The following PCDHGB6 variants were observed in gnomAD, a reference collection of about 807,000 sequenced individuals.
PCDHGB6 encodes the protein protocadherin gamma-B6.
Under a neutral mutation model 59.1 loss-of-function variants are expected in PCDHGB6, and 51 were observed. That is an observed-to-expected ratio of 0.86 (90% CI 0.69 to 1.09). The LOEUF (loss-of-function observed/expected upper bound fraction) is 1.09. PCDHGB6 is among the 50% of genes least tolerant of loss of function. The probability of loss-of-function intolerance (pLI) is 0.00; values close to 1 mark genes in which losing one functional copy is unlikely to be tolerated. For synonymous variants in PCDHGB6, 466 were observed against 495.1 expected, an observed-to-expected ratio of 0.94 and a Z score of 0.78; for missense variants, 1,148 against 1,205.1, an observed-to-expected ratio of 0.95 and a Z score of 0.70.
At chr5:141,411,954 A>T (rs563669924) in intron 1 of PCDHGB6, 1 of 152,382 alleles carries the variant, frequency 6.6e-6, no homozygotes, top group East Asian at 1.9e-4. Flanking sequence ...TTTTGAAGAA[A>T]AAAGATAAAA....
intron 1 of PCDHGB6, chr5:141,413,792 G>C (rs1390056342): frequency 6.2e-7 from 1 of 1,613,134 alleles, no homozygotes; most frequent in South Asian, 1.1e-5. Context: ...TCCCTAGATC[G>C]CGAGGAAGAG....
rs748803155 is a variant in PCDHGB6, at chr5:141,490,087, G to A, written c.2419-4720G>A. On this transcript the variant is annotated intron_variant, in intron 1 of 3. Coordinates refer to ENST00000520790, the MANE Select transcript of PCDHGB6 (RefSeq NM_018926.3). The surrounding 1 kb of genome is among the most constrained non-coding windows in gnomAD (Gnocchi z 5.4). ...CGGCCAACTAGACTATTCTTTTGGA[G>A]ACCACACATCTGAGGCAGTGCGGAA... 2.5e-6 allele frequency: 4 copies of A among 1,614,244 alleles called. No homozygotes were observed. The highest frequency in any genetic ancestry group is 1.3e-5 in the African/African-American group (1 of 75,068).
Position 141,432,632 on chromosome 5 carries a change from G to T in PCDHGB6, c.2418+22012G>T. ...CTTCTCGGTGGGTCTGCACACGGGCGAGGTGCGCACGGCGCGAGCCCTGCT... is the reference window on the plus strand; with the variant it reads ...CTTCTCGGTGGGTCTGCACACGGGCTAGGTGCGCACGGCGCGAGCCCTGCT... On this transcript the variant is annotated intron_variant, in intron 1 of 3. Transcript: ENST00000520790. This position sits in a 1 kb window ranked among gnomAD's most constrained non-coding sequence, Gnocchi z 6.0. The T allele has an allele frequency of 6.2e-7, 1 of 1,612,834 alleles. No homozygotes were observed. Among genetic ancestry groups the T allele is most frequent in the South Asian group, 1.1e-5 (1 of 90,976 alleles).
chr5:141,505,402 T>G lies in PCDHGB6; in HGVS notation c.2487T>G (p.Asn829Lys), dbSNP rs1216666169. 1.9e-6 allele frequency: 3 copies of G among 1,614,014 alleles called. No homozygotes were observed. Among genetic ancestry groups the G allele is most frequent in the Non-Finnish European group, 2.5e-6 (3 of 1,180,034 alleles). Residue 829 changes from asparagine (N) to lysine (K), a missense_variant, in exon 3 of 4, where the codon AAT (asparagine) becomes AAG (lysine). This residue lies in a region of PCDHGB6 where 283 missense variants were observed against 318.6 expected (regional missense o/e 0.89). Coordinates refer to ENST00000520790, the MANE Select transcript of PCDHGB6 (RefSeq NM_018926.3). The part of the protein sequence containing the change: ...AQRPGTSGSQ[N>K]GDDTGTWPNN... ...CCTACTCTCTCCCCAGCTCCCAAAA[T>G]GGCGATGACACCGGCACCTGGCCCA...
In PCDHGB6 at chr5:141,486,476, C is replaced by G. The variant is rs765887978; in HGVS notation, c.2419-8331C>G. The G allele has an allele frequency of 5.0e-6, 8 of 1,613,934 alleles. No homozygotes were observed. In the South Asian group the frequency reaches 7.7e-5, roughly 16 times the overall value. ...TGCTTCTGATGCTGGGAACCCTCCTCTCAGTACCCACAGAACTATTTTCCT... is the reference window on the plus strand; with the variant it reads ...TGCTTCTGATGCTGGGAACCCTCCTGTCAGTACCCACAGAACTATTTTCCT... On this transcript the variant is annotated intron_variant, in intron 1 of 3. Coordinates refer to ENST00000520790, the MANE Select transcript of PCDHGB6 (RefSeq NM_018926.3). The surrounding 1 kb of genome is among the most constrained non-coding windows in gnomAD (Gnocchi z 5.0).
chr5:141,468,374 C>T (rs1340499708), intron 1 of PCDHGB6: 2 of 150,736 alleles, frequency 1.3e-5, no homozygotes, highest in Non-Finnish European at 3.0e-5. Context: ...ATAACTCAGC[C>T]ATACAAGGCT....
chr5:141,491,932 G>A lies in PCDHGB6; in HGVS notation c.2419-2875G>A. Reference sequence around the variant, plus strand: ...GGCGACTGTGGGCGAGGGGAGGTGGGACCGACCCCCACCCCTACACTCAAA... The same window carrying A: ...GGCGACTGTGGGCGAGGGGAGGTGGAACCGACCCCCACCCCTACACTCAAA... On this transcript the variant is annotated intron_variant, in intron 1 of 3. Transcript: ENST00000520790. This position sits in a 1 kb window ranked among gnomAD's most constrained non-coding sequence, Gnocchi z 6.9. 1 of 1,259,014 alleles carries A rather than the reference G, an allele frequency of 7.9e-7. No homozygotes were observed. The highest frequency in any genetic ancestry group is 1.1e-6 in the Non-Finnish European group (1 of 926,048). The allele number at this position is 1,259,014 out of a possible 1,614,324, so 78.0% of individuals were successfully genotyped here. A position where few individuals can be genotyped will look rare whatever the true frequency, so the allele number is the denominator to read the frequency against.
intron 3 of PCDHGB6, among the ~76,000 whole-genome samples, chr5:141,510,566 A>G (rs2154594633): frequency 6.6e-6 from 1 of 152,288 alleles, no homozygotes; most frequent in South Asian, 2.1e-4. Flanking sequence ...TACATCTACC[A>G]GGCACTATTT....
intron 1 of PCDHGB6, chr5:141,426,887 G>C (rs1309180455): frequency 6.6e-6 from 3 of 456,646 alleles, no homozygotes; most frequent in South Asian, 4.6e-5. Context: ...TGGGCCAGGA[G>C]CAACAGAGCT....
rs61612330 is a variant in PCDHGB6, at chr5:141,454,796, A to ATTTTTTTTTTTTTTTTT, written c.2419-39998_2419-39982dup. Among the ~76,000 whole-genome samples the ATTTTTTTTTTTTTTTTT allele has an allele frequency of 1.9e-3, 147 of 77,454 alleles. 11 individuals carry two copies. Among genetic ancestry groups the ATTTTTTTTTTTTTTTTT allele is most frequent in the Middle Eastern group, 0.017 (2 of 120 alleles). 50.8% of individuals were successfully genotyped at this position (77,454 alleles called of 152,430 possible). ...AAGGAAATAATCCTCCATGGTTCTA[A>ATTTTTTTTTTTTTTTTT]TTTTTTTTTTTTTTTTTTTTTTTTT... On this transcript the variant is annotated intron_variant, in intron 1 of 3. Coordinates refer to ENST00000520790, the MANE Select transcript of PCDHGB6 (RefSeq NM_018926.3).
chr5:141,497,384 A>G (rs2099776099), intron 2 of PCDHGB6, among the ~76,000 whole-genome samples: 1 of 151,900 alleles, frequency 6.6e-6, no homozygotes, highest in African/African-American at 2.4e-5. Context: ...TGGGGTGAGC[A>G]CCTTACCCCT....
intron 1 of PCDHGB6, chr5:141,441,978 A>T (rs769977785): frequency 9.1e-5 from 26 of 285,248 alleles, no homozygotes; most frequent in Non-Finnish European, 1.8e-4. Flanking sequence ...TCAGCCTGGA[A>T]TGCGCACCGA....
In PCDHGB6 at chr5:141,409,515, T is replaced by C. The variant is rs1273041163; in HGVS notation, c.1313T>C (p.Ile438Thr). 8 of 1,613,844 alleles carry C rather than the reference T, an allele frequency of 5.0e-6. No homozygotes were observed. Among genetic ancestry groups the C allele is most frequent in the Non-Finnish European group, 6.8e-6 (8 of 1,179,902 alleles). Residue 438 changes from isoleucine (I) to threonine (T), a missense_variant, in exon 1 of 4, where the codon ATC becomes ACC. Around this residue, in one of 5 missense-constraint regions of PCDHGB6, gnomAD observed 549 missense variants for 527.5 expected, o/e 1.04. Coordinates refer to ENST00000520790, the MANE Select transcript of PCDHGB6 (RefSeq NM_018926.3). Reference protein sequence around the residue: ...GKPPLSSSRSITLYVADINDN... With the variant: ...GKPPLSSSRSTTLYVADINDN... Reference sequence around the variant, plus strand: ...CCGCCTCTTTCTTCCAGTAGAAGCATCACCTTGTATGTCGCTGACATCAAC... The same window carrying C: ...CCGCCTCTTTCTTCCAGTAGAAGCACCACCTTGTATGTCGCTGACATCAAC...
At chr5:141,421,418 G>A (rs771088122) in intron 1 of PCDHGB6, 1 of 1,614,086 alleles carries the variant, frequency 6.2e-7, no homozygotes, top group Admixed American at 1.7e-5. Flanking sequence ...GCGAAGCGCG[G>A]AGTCCGCATC....
intron 1 of PCDHGB6, chr5:141,410,822 A>C: frequency 2.2e-6 from 1 of 461,410 alleles, no homozygotes; most frequent in Non-Finnish European, 3.6e-6. Context: ...AAATAATGTC[A>C]CCAGACTGAA....
At chr5:141,420,208 A>G (rs1396340813) in intron 1 of PCDHGB6, 1 of 1,612,970 alleles carries the variant, frequency 6.2e-7, no homozygotes, top group Non-Finnish European at 8.5e-7. Flanking sequence ...ACCTCAACAA[A>G]GATAGCATGC....
chr5:141,510,307 G>C (rs1250172295), intron 3 of PCDHGB6, among the ~76,000 whole-genome samples: 1 of 151,446 alleles, frequency 6.6e-6, no homozygotes, highest in African/African-American at 2.4e-5. Context: ...TTTTGAAATG[G>C]AGGCTTGGAA....
chr5:141,431,318 G>C lies in PCDHGB6; in HGVS notation c.2418+20698G>C. 1 of 1,614,086 alleles carries C rather than the reference G, an allele frequency of 6.2e-7. No homozygotes were observed. Among genetic ancestry groups the C allele is most frequent in the African/African-American group, 1.3e-5 (1 of 75,050 alleles). On this transcript the variant is annotated intron_variant, in intron 1 of 3. Transcript: ENST00000520790. The surrounding 1 kb of genome is among the most constrained non-coding windows in gnomAD (Gnocchi z 4.8). ...CTCCCTCATCGTGCAAAATGGAGCC[G>C]ACGGTAGTAAGTACCCCGAATTGGT...
In PCDHGB6 at chr5:141,413,412, C is replaced by T. The variant is rs747352426; in HGVS notation, c.2418+2792C>T. ...TCTCCAGAGGTAGGACGCAGCTTTT[C>T]TCTCTGAACCCGCGCAGCGGCAGCT... On this transcript the variant is annotated intron_variant, in intron 1 of 3. Transcript: ENST00000520790. 5.6e-6 allele frequency: 9 copies of T among 1,613,954 alleles called. No individual in the cohort carries two copies. The African/African-American group carries it at 1.2e-4, about 22-fold the overall frequency.
Sources: gnomAD v4.1 joint callset for allele counts (sites outside exome capture counted in the v4.1 genomes callset) on GRCh38, gnomAD v4.1.1 for gene constraint, gnomAD v4.1.1 regional missense constraint, Gnocchi (gnomAD v3.1) non-coding constraint, MANE v1.5 for transcripts, NCBI Gene and HGNC (gene_info 2026-07-23, HGNC 2026-07-21) for gene names.